The following ACSL5 variants were observed in gnomAD, a reference collection of about 807,000 sequenced individuals.
ACSL5 encodes acyl-CoA synthetase long chain family member 5, also known as long-chain-fatty-acid--CoA ligase 5.
In ACSL5, 50 loss-of-function variants were observed where a neutral mutation model predicts 84.9. The ratio of observed to expected loss-of-function variants is 0.59; its 90% confidence interval spans 0.47 to 0.75. ACSL5 has a LOEUF of 0.75. Ranked by LOEUF, ACSL5 falls within the 30% of genes least tolerant of loss-of-function variation. The pLI is 0.00. For synonymous variants in ACSL5, 280 were observed against 300.7 expected (o/e 0.93, Z 0.71); for missense variants, 775 against 830.4 (o/e 0.93, Z 0.82).
chr10:112,399,272 G>C (rs1843819847), intron 3 of ACSL5, among the ~76,000 whole-genome samples: 1 of 152,194 alleles, frequency 6.6e-6, no homozygotes, highest in African/African-American at 2.4e-5. Context: ...CTCTGAATCT[G>C]TTTCTCAACA....
chr10:112,404,879 C>A, intron 5 of ACSL5, 73 bp downstream of exon 5: 2 of 1,313,066 alleles, frequency 1.5e-6, no homozygotes, highest in Non-Finnish European at 2.1e-6. Flanking sequence ...TATTCCCCGT[C>A]CAGCATTCCA....
chr10:112,422,631 G>A (rs111759685), intron 17 of ACSL5, among the ~76,000 whole-genome samples, 190 bp downstream of exon 17: 29 of 152,106 alleles, frequency 1.9e-4, no homozygotes, highest in Non-Finnish European at 3.5e-4. Context: ...CTGAGGTGGT[G>A]GATCACCTGA....
chr10:112,404,777 G>A lies in ACSL5; in HGVS notation c.403G>A (p.Val135Ile). Residue 135 changes from valine to isoleucine, a missense_variant, in exon 5 of 21, where the codon GTC (valine) becomes ATC (isoleucine). Transcript: ENST00000354655. ...KGYKSSPDQF[V>I]GIFAQNRPEW... ...TTATAAATCATCACCAGACCAGTTTGTCGGCATCTTTGCTCAGAATAGGCC... is the reference window on the plus strand; with the variant it reads ...TTATAAATCATCACCAGACCAGTTTATCGGCATCTTTGCTCAGAATAGGCC... 1 of 1,613,932 alleles carries A rather than the reference G, an allele frequency of 6.2e-7. No homozygotes were observed. The highest frequency in any genetic ancestry group is 8.5e-7 in the Non-Finnish European group (1 of 1,179,916).
At chr10:112,396,275 G>C (rs1489918220) in intron 2 of ACSL5, 2 of 152,018 alleles carry the variant, frequency 1.3e-5, no homozygotes, top group Admixed American at 6.6e-5. Context: ...TCATAATAGG[G>C]TTTTATTCTC....
intron 1 of ACSL5, among the ~76,000 whole-genome samples, chr10:112,391,203 AC>A (rs1351478975): frequency 2.0e-5 from 3 of 152,228 alleles, no homozygotes; most frequent in African/African-American, 7.2e-5. Context: ...ACATGGTGAA[AC>A]CCTCGTCTCT....
intron 12 of ACSL5, among the ~76,000 whole-genome samples, chr10:112,413,874 T>C (rs1225275981): frequency 1.6e-4 from 25 of 152,180 alleles, no homozygotes; most frequent in Admixed American, 1.6e-3. Flanking sequence ...CTTGGGAAGT[T>C]GTTCCCTTTC....
At chr10:112,426,707 C>A in intron 19 of ACSL5, 81 bp from the exon 20 acceptor site, 2 of 1,237,170 alleles carry the variant, frequency 1.6e-6, no homozygotes, top group Non-Finnish European at 2.4e-6. Context: ...ATGGCTTTGA[C>A]AGGCACTTTG....
At chr10:112,376,245 G>A in intron 1 of ACSL5, 1 of 1,591,142 alleles carries the variant, frequency 6.3e-7, no homozygotes, top group South Asian at 1.1e-5. Context: ...GCCTGACATG[G>A]CCTGACTCGG....
rs375224929 is a variant in ACSL5, at chr10:112,374,195, T to A, written c.-104T>A. 1 of 152,166 alleles carries A rather than the reference T, an allele frequency of 6.6e-6. No homozygotes were observed. Among genetic ancestry groups the A allele is most frequent in the Non-Finnish European group, 1.5e-5 (1 of 68,088 alleles). The allele number at this position is 152,166 out of a possible 1,614,324, so 9.4% of individuals were successfully genotyped here. On this transcript the variant is annotated 5_prime_UTR_variant, in exon 1 of 21. An upstream start codon of the reference 5' UTR is lost. Transcript: ENST00000354655. ...TGTGGAAAGAGTAGAAGTGCCTGAA[T>A]GTGGTGCTGAATCAATACAGCCAGC...
At chr10:112,425,568 G>C in intron 18 of ACSL5, 87 bp downstream of exon 18, 10 of 933,162 alleles carry the variant, frequency 1.1e-5, no homozygotes, top group Non-Finnish European at 1.5e-5. Context: ...GTTGGGTTCA[G>C]AATGAGAAGA....
At chr10:112,381,665 C>CAA (rs35097669) in intron 1 of ACSL5, among the ~76,000 whole-genome samples, 7 of 104,800 alleles carry the variant, frequency 6.7e-5, no homozygotes, top group East Asian at 3.0e-4. Flanking sequence ...GAGACTGTCT[C>CAA]AAAAAAAAAA....
intron 1 of ACSL5, among the ~76,000 whole-genome samples, chr10:112,375,061 A>AT (rs931620558): frequency 1.6e-4 from 23 of 146,120 alleles, no homozygotes; most frequent in South Asian, 1.1e-3. Flanking sequence ...ATAAAAAAAA[A>AT]AGAAATAAAA....
Position 112,427,648 on chromosome 10 carries a change from G to T in ACSL5, c.*290G>T. ...GTTTATGTTCTGTGTCCTTCCTCAT[G>T]ATTTCCAACCTTAATACTATTAGTA... On this transcript the variant is annotated 3_prime_UTR_variant, in exon 21 of 21. Coordinates refer to ENST00000354655, the MANE Select transcript of ACSL5 (RefSeq NM_203379.2). 1 of 220,302 alleles carries T rather than the reference G, an allele frequency of 4.5e-6. No individual in the cohort carries two copies. The highest frequency in any genetic ancestry group is 1.0e-4 in the East Asian group (1 of 9,686). 13.6% of individuals were successfully genotyped at this position (220,302 alleles called of 1,614,324 possible).
intron 3 of ACSL5, among the ~76,000 whole-genome samples, chr10:112,401,786 CTCTT>C (rs1178224793): frequency 0.019 from 2,246 of 119,254 alleles, 38 homozygotes; most frequent in African/African-American, 0.051. Context: ...TTCTTTCTTT[CTCTT>C]TCTTTCTTTC....
chr10:112,394,669 C>T (rs1265783547), intron 1 of ACSL5: 1 of 869,894 alleles, frequency 1.1e-6, no homozygotes, highest in Admixed American at 6.2e-5. Context: ...TCCTTTGATC[C>T]TCCCTGCTCT....
chr10:112,377,209 G>A (rs894209445), intron 1 of ACSL5, among the ~76,000 whole-genome samples: 1 of 152,130 alleles, frequency 6.6e-6, no homozygotes, highest in Admixed American at 6.5e-5. Context: ...CCAATGTGTA[G>A]GTGATTAGTA....
intron 14 of ACSL5, among the ~76,000 whole-genome samples, chr10:112,420,823 G>A (rs1321617564): frequency 6.6e-6 from 1 of 151,916 alleles, no homozygotes; most frequent in Non-Finnish European, 1.5e-5. Context: ...CTGGGTTCAA[G>A]CAATTCTCCT....
chr10:112,391,939 C>G (rs1246913539), intron 1 of ACSL5, among the ~76,000 whole-genome samples: 1 of 152,202 alleles, frequency 6.6e-6, no homozygotes. Flanking sequence ...AGGTTATTCA[C>G]TCTTCTTCCT....
At position 112,398,976 on chromosome 10, in the gene ACSL5, T is replaced by C; in HGVS notation, c.232T>C (p.Tyr78His). 1 of 1,613,956 alleles carries C rather than the reference T, an allele frequency of 6.2e-7. No individual in the cohort carries two copies. Among genetic ancestry groups the C allele is most frequent in the Non-Finnish European group, 8.5e-7 (1 of 1,179,896 alleles). Residue 78 changes from tyrosine (Y) to histidine (H), a missense_variant, in exon 3 of 21, where the codon TAT becomes CAT. Tyr to His is a moderately conservative substitution (Grantham distance 83). Transcript: ENST00000354655. The part of the protein sequence containing the change: ...SCCFSDAKTM[Y>H]EVFQRGLAVS... Reference sequence around the variant, plus strand: ...CTGCTTCTCAGATGCCAAGACTATGTATGAGGTTTTCCAAAGAGGACTCGC... The same window carrying C: ...CTGCTTCTCAGATGCCAAGACTATGCATGAGGTTTTCCAAAGAGGACTCGC...
Sources: gnomAD v4.1 joint callset for allele counts (sites outside exome capture counted in the v4.1 genomes callset) on GRCh38, gnomAD v4.1.1 for gene constraint, MANE v1.5 for transcripts, NCBI Gene and HGNC (gene_info 2026-07-23, HGNC 2026-07-21) for gene names.